RIMS2: variants seen among roughly 807,000 people sequenced by gnomAD.
The protein encoded by RIMS2 is regulating synaptic membrane exocytosis protein 2.
A neutral mutation model predicts 174.4 loss-of-function variants in RIMS2; 59 were observed. The observed-to-expected ratio is 0.34, with a 90% CI of 0.27 to 0.42. The LOEUF is 0.42. Among genes scored for constraint, RIMS2 ranks in the 10% least tolerant of loss-of-function variants. The pLI, the probability that RIMS2 is intolerant of heterozygous loss-of-function variation, is 1.00. For missense variants in RIMS2, 1,620 were observed against 1,666.3 expected (o/e 0.97, Z 0.48); for synonymous variants, 606 against 572.5 (o/e 1.06, Z -0.84).
At chr8:103,766,505 G>T (rs957995105) in exon 3 of RIMS2, 1 of 1,613,328 alleles carries the variant, frequency 6.2e-7, no homozygotes, top group African/African-American at 1.3e-5. Flanking sequence ...CAGGCGTGAA[G>T]CATCACATTG....
intron 1 of RIMS2, among the ~76,000 whole-genome samples, chr8:103,510,111 A>C (rs1452652341): frequency 6.6e-6 from 1 of 152,146 alleles, no homozygotes; most frequent in South Asian, 2.1e-4. Flanking sequence ...CAGCTCGAAG[A>C]GACAAATAGT....
At chr8:104,084,395 G>A (rs943708111) in intron 19 of RIMS2, among the ~76,000 whole-genome samples, 7 of 134,124 alleles carry the variant, frequency 5.2e-5, no homozygotes, top group Admixed American at 8.4e-5. Flanking sequence ...TCGAGATCGC[G>A]CCACTGCACT....
At chr8:104,046,255 C>A (rs1294084677) in intron 19 of RIMS2, among the ~76,000 whole-genome samples, 2 of 152,056 alleles carry the variant, frequency 1.3e-5, no homozygotes, top group Admixed American at 6.6e-5. Flanking sequence ...AGAGAAGGGG[C>A]AATGGATCTC....
At chr8:104,255,415 C>G (rs1298267359), downstream of RIMS2, 1 of 151,984 alleles carries the variant, frequency 6.6e-6, no homozygotes, top group African/African-American at 2.4e-5. Context: ...CTTATGTGCC[C>G]TCTCCTGAAA....
At chr8:104,034,016 C>A (rs1437697187) in intron 19 of RIMS2, among the ~76,000 whole-genome samples, 3 of 152,030 alleles carry the variant, frequency 2.0e-5, no homozygotes, top group Non-Finnish European at 4.4e-5. Flanking sequence ...GTGCTGAAAT[C>A]TAAGAAACCC....
chr8:103,754,066 A>C (rs994602611), intron 2 of RIMS2, among the ~76,000 whole-genome samples: 9 of 152,126 alleles, frequency 5.9e-5, no homozygotes, highest in African/African-American at 2.2e-4. Context: ...GTGGGCATTT[A>C]GTGCTATAAA....
In RIMS2 at chr8:103,987,806, T is replaced by G. The variant is rs1018017042; in HGVS notation, c.2928-1499T>G. ...CATAGATCAACTTATGAGTAATTAC[T>G]AATTGGAAAATATAGTAAAATGTAA... On this transcript the variant is annotated intron_variant, in intron 16 of 23. Coordinates refer to ENST00000504942, the Ensembl canonical transcript of RIMS2. Among the ~76,000 whole-genome samples the G allele has an allele frequency of 3.9e-5, 6 of 152,296 alleles. No homozygotes were observed. The South Asian group carries it at 1.2e-3, about 32-fold the overall frequency.
At chr8:103,811,903 G>C (rs2098690015) in intron 3 of RIMS2, among the ~76,000 whole-genome samples, 1 of 152,184 alleles carries the variant, frequency 6.6e-6, no homozygotes, top group Non-Finnish European at 1.5e-5. Context: ...GAGTGAGAGA[G>C]ATCACAATTA....
intron 19 of RIMS2, among the ~76,000 whole-genome samples, chr8:104,042,867 A>G (rs905902754): frequency 6.6e-6 from 1 of 151,594 alleles, no homozygotes; most frequent in African/African-American, 2.4e-5. Flanking sequence ...AATTAATGGA[A>G]TTGTCAGTAG....
intron 19 of RIMS2, among the ~76,000 whole-genome samples, chr8:104,066,394 A>ATG (rs34655484): frequency 1.4e-4 from 21 of 151,714 alleles, no homozygotes; most frequent in Admixed American, 2.6e-4. Context: ...ATATCTATAT[A>ATG]TGTGTGTGTG....
At chr8:104,167,566 G>A (rs1452419295) in intron 19 of RIMS2, among the ~76,000 whole-genome samples, 1 of 152,094 alleles carries the variant, frequency 6.6e-6, no homozygotes. Flanking sequence ...TGTAGAGTCT[G>A]GATATTAGTC....
At chr8:103,734,702 C>A (rs575812068) in intron 2 of RIMS2, among the ~76,000 whole-genome samples, 76 of 152,070 alleles carry the variant, frequency 5.0e-4, no homozygotes, top group African/African-American at 1.8e-3. Context: ...TGCCTTCATA[C>A]TAAGTGCAAA....
intron 1 of RIMS2, among the ~76,000 whole-genome samples, chr8:103,679,358 C>G (rs1444848634): frequency 6.6e-6 from 1 of 151,908 alleles, no homozygotes; most frequent in Non-Finnish European, 1.5e-5. Context: ...TATACCTATC[C>G]TATAGAGAAA....
At chr8:104,142,560 A>T (rs1193920635) in intron 19 of RIMS2, among the ~76,000 whole-genome samples, 1 of 152,222 alleles carries the variant, frequency 6.6e-6, no homozygotes, top group African/African-American at 2.4e-5. Flanking sequence ...TTTGGCATTA[A>T]CAAGCTCTTG....
intron 1 of RIMS2, among the ~76,000 whole-genome samples, chr8:103,647,183 A>G (rs991646904): frequency 1.3e-5 from 2 of 152,136 alleles, no homozygotes; most frequent in African/African-American, 4.8e-5. Flanking sequence ...AATGAAACCT[A>G]CTTTATCATG....
intron 19 of RIMS2, among the ~76,000 whole-genome samples, chr8:104,075,414 A>G (rs868865152): frequency 6.6e-6 from 1 of 152,214 alleles, no homozygotes; most frequent in South Asian, 2.1e-4. Flanking sequence ...ATTTTCAAAA[A>G]AATGCCTGCT....
At chr8:104,228,230 G>T (rs1276690770) in intron 19 of RIMS2, among the ~76,000 whole-genome samples, 2 of 151,850 alleles carry the variant, frequency 1.3e-5, no homozygotes, top group African/African-American at 4.8e-5. Context: ...GGGTTTCACC[G>T]TGTTAGCCAG....
chr8:103,945,154 AAGTGTGT>A (rs1266223907), intron 14 of RIMS2, among the ~76,000 whole-genome samples: 2 of 152,080 alleles, frequency 1.3e-5, no homozygotes, highest in Non-Finnish European at 2.9e-5. Context: ...TTATCATTAA[AAGTGTGT>A]AATTCCCCTT....
chr8:103,592,145 G>A (rs1002882513), intron 1 of RIMS2, among the ~76,000 whole-genome samples: 2 of 151,024 alleles, frequency 1.3e-5, no homozygotes, highest in African/African-American at 2.4e-5. Context: ...AGAATATTTT[G>A]AGAAATTGTT....
Sources: gnomAD v4.1 joint callset for allele counts (sites outside exome capture counted in the v4.1 genomes callset) on GRCh38, gnomAD v4.1.1 for gene constraint, MANE v1.5 for transcripts, NCBI Gene and HGNC (gene_info 2026-07-23, HGNC 2026-07-21) for gene names.